SCN4A: variants seen among roughly 807,000 people sequenced by gnomAD.
SCN4A encodes sodium voltage-gated channel alpha subunit 4, also known as sodium channel protein type 4 subunit alpha.
A neutral mutation model predicts 162.0 loss-of-function variants in SCN4A; 83 were observed. The ratio of observed to expected loss-of-function variants is 0.51; its 90% CI spans 0.43 to 0.61. The LOEUF is 0.61. SCN4A is among the 20% of genes least tolerant of loss of function. The pLI is 0.00. For missense variants in SCN4A, 2,196 were observed against 2,462.5 expected, an observed-to-expected ratio of 0.89 and a Z score of 2.29; for synonymous variants, 944 against 985.1, an observed-to-expected ratio of 0.96 and a Z score of 0.78.
chr17:63,965,185 C>G (rs146851400), intron 8 of SCN4A, among the ~76,000 whole-genome samples: 1 of 151,290 alleles, frequency 6.6e-6, no homozygotes, highest in South Asian at 2.1e-4. Flanking sequence ...GCTGGGATTA[C>G]AGGTGTTTGC....
chr17:63,971,382 C>G, intron 4 of SCN4A, 129 bp from the exon 5 acceptor site: 1 of 665,816 alleles, frequency 1.5e-6, no homozygotes, highest in Non-Finnish European at 2.7e-6. Flanking sequence ...GTCTGGGGGG[C>G]AGGGCAGACA....
intron 5 of SCN4A, among the ~76,000 whole-genome samples, chr17:63,970,002 A>G (rs1179622444): frequency 6.6e-6 from 1 of 152,130 alleles, no homozygotes. Flanking sequence ...CCTGATCTCT[A>G]TCCTTTTTCT....
rs943126594 is a variant in SCN4A, at chr17:63,964,599, G to A, written c.1321C>T (p.Leu441=). The A allele has an allele frequency of 6.2e-7, 1 of 1,613,762 alleles. No homozygotes were observed. ...GCCATGGCCACCACGGCCAGGATCAGATTGATGAGGTAGAAAGAGCCCAGG... is the reference window on the plus strand; with the variant it reads ...GCCATGGCCACCACGGCCAGGATCAAATTGATGAGGTAGAAAGAGCCCAGG... ...IFLGSFYLIN[L]ILAVVAMAYA... Residue 441 remains leucine (L), a synonymous_variant, in exon 9 of 24, where the codon CTG becomes TTG. Transcript: ENST00000435607.
Position 63,972,399 on chromosome 17 carries a change from G to A in SCN4A, c.345C>T (p.Ser115=), listed in dbSNP as rs1909641231. The stretch of plus-strand genomic sequence containing the variant: ...CCCCGCGCCTGACTACGCTGAAGGG[G>A]CTCAGCAGGTAGAGAGCAGGTGTGG... ...FSATPALYLL[S]PFSVVRRGAI... is the part of the protein sequence containing the mutation. Residue 115 remains serine, a synonymous_variant, in exon 2 of 24, where the codon AGC becomes AGT. Transcript: ENST00000435607. This position sits in a 1 kb window ranked among gnomAD's most constrained non-coding sequence, Gnocchi z 4.3. The A allele has an allele frequency of 1.2e-6, 2 of 1,613,872 alleles. No individual in the cohort carries two copies. The highest frequency in any genetic ancestry group is 1.7e-5 in the Admixed American group (1 of 60,002).
chr17:63,954,623 G>A (rs1391862801), intron 13 of SCN4A, among the ~76,000 whole-genome samples: 1 of 152,298 alleles, frequency 6.6e-6, no homozygotes, highest in African/African-American at 2.4e-5. Context: ...TGCAGGGGAT[G>A]CGGGTCCTCA....
Position 63,951,811 on chromosome 17 carries a change from C to A in SCN4A, c.2466G>T (p.Leu822=). The change falls in exon 14 of 24, where the codon CTG becomes CTT. Residue 822 remains leucine, a synonymous_variant. Coordinates refer to ENST00000435607, the MANE Select transcript of SCN4A (RefSeq NM_000334.4). This position sits in a 1 kb window ranked among gnomAD's most constrained non-coding sequence, Gnocchi z 4.5. ...ASDEDGEMNN[L]QIAIGRIKLG... ...ACTTGATGCGCCCGATGGCAATCTG[C>A]AGGTTGTTCATCTCGCCATCCTCAT... 6.3e-7 allele frequency: 1 copy of A among 1,582,794 alleles called. No individual in the cohort carries two copies. The highest frequency in any genetic ancestry group is 8.6e-7 in the Non-Finnish European group (1 of 1,164,816).
intron 14 of SCN4A, chr17:63,949,854 TG>T (rs776425764): frequency 1.6e-4 from 24 of 152,730 alleles, no homozygotes; most frequent in African/African-American, 4.9e-4. Flanking sequence ...CTGGGAGGCA[TG>T]GGGGGCCTGA....
Position 63,945,259 on chromosome 17 carries a change from T to A in SCN4A, c.3720+101A>T. The A allele has an allele frequency of 8.9e-7, 1 of 1,128,310 alleles. No individual in the cohort carries two copies. Among genetic ancestry groups the A allele is most frequent in the Non-Finnish European group, 1.3e-6 (1 of 772,390 alleles). The allele number at this position is 1,128,310 out of a possible 1,614,324, so 69.9% of individuals were successfully genotyped here. A position where few individuals can be genotyped will look rare whatever the true frequency, so the allele number is the denominator to read the frequency against. ...ACAGCATTGGAAGCAGGGTGGGCGG[T>A]CCCCTAACCAGGAGTGACACTGGGG... is the stretch of plus-strand genomic sequence containing the variant. On this transcript the variant is annotated intron_variant, in intron 19 of 23. Coordinates refer to ENST00000435607, the MANE Select transcript of SCN4A (RefSeq NM_000334.4). This position sits in a 1 kb window ranked among gnomAD's most constrained non-coding sequence, Gnocchi z 4.4.
chr17:63,964,756 A>G, intron 8 of SCN4A, 79 bp from the exon 9 acceptor site: 1 of 1,129,414 alleles, frequency 8.9e-7, no homozygotes, highest in South Asian at 1.4e-5. Flanking sequence ...CCATACATCC[A>G]TTGCCCGCAT....
intron 16 of SCN4A, 42 bp downstream of exon 16, chr17:63,948,569 C>T (rs1238723518): frequency 2.6e-5 from 41 of 1,584,316 alleles, no homozygotes; most frequent in Non-Finnish European, 3.4e-5. Context: ...CTGCTGTGGG[C>T]CTGGCCCCTG....
chr17:63,957,260 C>T lies in SCN4A; in HGVS notation c.2278G>A (p.Gly760Arg), dbSNP rs991008969. The change falls in exon 13 of 24, where the codon GGG becomes AGG. Residue 760 changes from glycine (G) to arginine (R), a missense_variant. By Grantham distance (125) the Gly-to-Arg change is moderately radical. Transcript: ENST00000435607. ...TCCCACATGGTCTCGATCCACTCCC[C>T]GCACAGGATGCGGAAGACGATGAGG... ...SFLIVFRILC[G>R]EWIETMWDCM... The T allele has an allele frequency of 4.3e-6, 7 of 1,613,952 alleles. No individual in the cohort carries two copies. Among genetic ancestry groups the T allele is most frequent in the South Asian group, 3.3e-5 (3 of 91,082 alleles).
In SCN4A at chr17:63,972,414, A is replaced by G. The variant is rs1348459531; in HGVS notation, c.330T>C (p.Ala110=). ...CGCTGAAGGGGCTCAGCAGGTAGAG[A>G]GCAGGTGTGGCGGAGAAGCGGAAGA... ...KAIFRFSATP[A]LYLLSPFSVV... is the part of the protein sequence containing the mutation. The change falls in exon 2 of 24, where the codon GCT becomes GCC. Residue 110 remains alanine, a synonymous_variant. Transcript: ENST00000435607. This position sits in a 1 kb window ranked among gnomAD's most constrained non-coding sequence, Gnocchi z 4.3. 4 of 1,613,802 alleles carry G rather than the reference A, an allele frequency of 2.5e-6. No homozygotes were observed. The highest frequency in any genetic ancestry group is 4.5e-5 in the East Asian group (2 of 44,898).
At chr17:63,947,002 T>TCCCCCAAACCCC in intron 18 of SCN4A, 43 bp downstream of exon 18, 1 of 1,449,440 alleles carries the variant, frequency 6.9e-7, no homozygotes, top group Non-Finnish European at 9.5e-7. Flanking sequence ...AGGTGGCCGG[T>TCCCCCAAACCCC]CCCCCATCCC....
chr17:63,950,969 T>TG lies in SCN4A; in HGVS notation c.2853+454dup, dbSNP rs1175671951. On this transcript the variant is annotated intron_variant, in intron 14 of 23. Transcript: ENST00000435607. The surrounding 1 kb of genome is among the most constrained non-coding windows in gnomAD (Gnocchi z 4.6). The stretch of plus-strand genomic sequence containing the variant: ...CTGGATCTGGCACTTTGGCCCACAC[T>TG]GGGAGGTTGGGAGCAGACCCAGGTG... 2.6e-5 allele frequency among the ~76,000 whole-genome samples: 4 copies of TG among 152,108 alleles called. No individual in the cohort carries two copies. The highest frequency in any genetic ancestry group is 9.7e-5 in the African/African-American group (4 of 41,426).
chr17:63,942,100 GTC>G, intron 23 of SCN4A, 107 bp from the exon 24 acceptor site: 1 of 1,104,746 alleles, frequency 9.1e-7, no homozygotes, highest in South Asian at 1.7e-5. Flanking sequence ...CTCTGCTCAA[GTC>G]TCAGAGCACA....
At position 63,949,518 on chromosome 17, in the gene SCN4A, T is replaced by C; in HGVS notation, c.2864A>G (p.Gln955Arg). ...SEPEDSKKPP[Q>R]PLYDGNSSVC... ...GGACGAGTTCCCATCATAGAGAGGC[T>C]GCGGCGGCTTCTGCGGAGGCCACAG... Residue 955 changes from glutamine (Q) to arginine (R), a missense_variant, in exon 15 of 24, where the codon CAG becomes CGG. Transcript: ENST00000435607. 1.2e-6 allele frequency: 2 copies of C among 1,608,282 alleles called. No homozygotes were observed. The highest frequency in any genetic ancestry group is 1.7e-6 in the Non-Finnish European group (2 of 1,175,940).
In SCN4A at chr17:63,941,473, C is replaced by T. The variant is rs752842240; in HGVS notation, c.4809G>A (p.Val1603=). The T allele has an allele frequency of 6.2e-7, 1 of 1,614,146 alleles. No homozygotes were observed. The highest frequency in any genetic ancestry group is 8.5e-7 in the Non-Finnish European group (1 of 1,180,020). ...YIAIILENFN[V]ATEESSEPLG... is the part of the protein sequence containing the mutation. ...GGGGCTCGCTGCTCTCCTCTGTGGC[C>T]ACATTGAAGTTCTCCAGGATGATGG... Residue 1603 remains valine (V), a synonymous_variant, in exon 24 of 24, where the codon GTG becomes GTA. Transcript: ENST00000435607. This position sits in a 1 kb window ranked among gnomAD's most constrained non-coding sequence, Gnocchi z 6.2.
chr17:63,942,951 ATGT>A lies in SCN4A; in HGVS notation c.4160_4162del (p.Asn1387del). On this transcript the variant is annotated inframe_deletion, in exon 23 of 24. Transcript: ENST00000435607. ...GAAGATGATGATGAAGATCATGTTG[ATGT>A]TGTACAGGATGTCCACCTTGAGCTG... The A allele has an allele frequency of 1.2e-6, 2 of 1,613,952 alleles. No homozygotes were observed. Among genetic ancestry groups the A allele is most frequent in the Non-Finnish European group, 1.7e-6 (2 of 1,179,850 alleles).
At chr17:63,952,846 C>T (rs1788462328) in intron 13 of SCN4A, among the ~76,000 whole-genome samples, 1 of 152,082 alleles carries the variant, frequency 6.6e-6, no homozygotes, top group South Asian at 2.1e-4. Context: ...AGCTCACAGA[C>T]CAGCAGAGAC....
Sources: gnomAD v4.1 joint callset for allele counts (sites outside exome capture counted in the v4.1 genomes callset) on GRCh38, gnomAD v4.1.1 for gene constraint, Gnocchi (gnomAD v3.1) non-coding constraint, MANE v1.5 for transcripts, NCBI Gene and HGNC (gene_info 2026-07-23, HGNC 2026-07-21) for gene names.